Variants in CDH13 observed in about 807,000 individuals in gnomAD.
The protein encoded by CDH13 is cadherin-13.
CDH13 carries 24 observed loss-of-function variants against 63.8 expected under a neutral mutation model. The observed-to-expected ratio is 0.38, with a 90% confidence interval of 0.27 to 0.53. The LOEUF (loss-of-function observed/expected upper bound fraction) is 0.53, where lower values mean the gene tolerates loss of function less well. Among genes scored for constraint, CDH13 ranks in the 20% least tolerant of loss-of-function variants. The pLI is 0.85. For synonymous variants in CDH13, 503 were observed against 355.3 expected, an observed-to-expected ratio of 1.42 and a Z score of -4.67; for missense variants, 1,049 against 903.1, an observed-to-expected ratio of 1.16 and a Z score of -2.07.
intron 3 of CDH13, among the ~76,000 whole-genome samples, chr16:83,073,584 C>T (rs1162365674): frequency 1.3e-5 from 2 of 151,992 alleles, no homozygotes; most frequent in Non-Finnish European, 2.9e-5. Flanking sequence ...ACAACAGCTG[C>T]ATTTAAAGAA....
At chr16:82,951,783 A>G (rs1236318783) in intron 2 of CDH13, among the ~76,000 whole-genome samples, 1 of 152,180 alleles carries the variant, frequency 6.6e-6, no homozygotes, top group East Asian at 1.9e-4. Flanking sequence ...ATATTCAAGG[A>G]CATAAATTCA....
At chr16:83,040,604 C>T (rs905980176) in intron 3 of CDH13, among the ~76,000 whole-genome samples, 1 of 152,214 alleles carries the variant, frequency 6.6e-6, no homozygotes, top group Non-Finnish European at 1.5e-5. Flanking sequence ...TGGTTTTATG[C>T]TGGCAGCTGA....
At chr16:82,907,223 C>T (rs902228277) in intron 2 of CDH13, among the ~76,000 whole-genome samples, 3 of 152,102 alleles carry the variant, frequency 2.0e-5, no homozygotes, top group East Asian at 3.9e-4. Flanking sequence ...CAGTAAAGGA[C>T]AGAAAAGAAC....
At chr16:82,725,904 C>T (rs1368348829) in intron 1 of CDH13, among the ~76,000 whole-genome samples, 2 of 152,024 alleles carry the variant, frequency 1.3e-5, no homozygotes, top group African/African-American at 4.8e-5. Context: ...TTAATAAGGC[C>T]TGAGGTTATG....
chr16:82,851,298 A>C (rs1479734016), intron 1 of CDH13, among the ~76,000 whole-genome samples: 1 of 151,892 alleles, frequency 6.6e-6, no homozygotes, highest in African/African-American at 2.4e-5. Flanking sequence ...AGCTGGGCAT[A>C]GTGGCGGATG....
intron 2 of CDH13, among the ~76,000 whole-genome samples, chr16:82,906,428 A>T (rs2041649696): frequency 6.6e-6 from 1 of 152,206 alleles, no homozygotes; most frequent in Non-Finnish European, 1.5e-5. Flanking sequence ...AGCAATCATG[A>T]ACCCACTTGT....
intron 10 of CDH13, among the ~76,000 whole-genome samples, chr16:83,696,075 G>A (rs1019969059): frequency 6.6e-6 from 1 of 151,942 alleles, no homozygotes. Context: ...TTTGTTTGTA[G>A]AGATGGGGTT....
chr16:83,402,708 C>T (rs1317934467), intron 6 of CDH13, among the ~76,000 whole-genome samples: 1 of 152,146 alleles, frequency 6.6e-6, no homozygotes, highest in Non-Finnish European at 1.5e-5. Flanking sequence ...TAGCATAGTG[C>T]CCAACACTCA....
chr16:83,679,798 G>A (rs1915258672), intron 10 of CDH13, among the ~76,000 whole-genome samples: 1 of 152,220 alleles, frequency 6.6e-6, no homozygotes. Context: ...TTCTACAATT[G>A]GAGGTGAAAG....
chr16:83,477,530 G>A (rs770395984), intron 6 of CDH13, among the ~76,000 whole-genome samples: 9 of 152,106 alleles, frequency 5.9e-5, no homozygotes, highest in African/African-American at 1.2e-4. Flanking sequence ...TATATATCTC[G>A]TGCCCGTTTA....
intron 7 of CDH13, among the ~76,000 whole-genome samples, chr16:83,532,458 T>G (rs1200015975): frequency 6.6e-6 from 1 of 152,224 alleles, no homozygotes; most frequent in Non-Finnish European, 1.5e-5. Flanking sequence ...TGTTACTGGA[T>G]AAATGAATAT....
intron 2 of CDH13, among the ~76,000 whole-genome samples, chr16:83,000,746 A>G (rs1912834155): frequency 6.6e-6 from 1 of 151,552 alleles, no homozygotes; most frequent in African/African-American, 2.4e-5. Flanking sequence ...TGCCCGGCTA[A>G]TTTTTTGTAT....
At chr16:83,645,755 T>C (rs1911731817) in intron 8 of CDH13, among the ~76,000 whole-genome samples, 1 of 151,644 alleles carries the variant, frequency 6.6e-6, no homozygotes, top group Non-Finnish European at 1.5e-5. Context: ...TGGTAGAGCA[T>C]AAGGGAAGGG....
intron 7 of CDH13, among the ~76,000 whole-genome samples, chr16:83,574,741 A>G (rs531018592): frequency 6.6e-6 from 1 of 152,330 alleles, no homozygotes; most frequent in African/African-American, 2.4e-5. Context: ...GGCCCTGTTA[A>G]GATTCCCATG....
chr16:83,522,201 C>A (rs544370901), intron 7 of CDH13, among the ~76,000 whole-genome samples: 1 of 152,326 alleles, frequency 6.6e-6, no homozygotes, highest in Admixed American at 6.5e-5. Flanking sequence ...TCTGCTGCAG[C>A]CTCCACATGT....
intron 2 of CDH13, among the ~76,000 whole-genome samples, chr16:82,935,447 C>T (rs1433640706): frequency 6.6e-6 from 1 of 152,160 alleles, no homozygotes; most frequent in Non-Finnish European, 1.5e-5. Flanking sequence ...CAACTGTTTT[C>T]ATGAAGCTTT....
At chr16:83,012,527 C>T (rs1319255486) in intron 2 of CDH13, among the ~76,000 whole-genome samples, 1 of 151,976 alleles carries the variant, frequency 6.6e-6, no homozygotes, top group African/African-American at 2.4e-5. Context: ...ACATCTTCGT[C>T]ATTTGGGGGA....
At chr16:83,283,852 A>G (rs1567563034) in intron 5 of CDH13, among the ~76,000 whole-genome samples, 1 of 152,110 alleles carries the variant, frequency 6.6e-6, no homozygotes, top group South Asian at 2.1e-4. Context: ...TAATATCTTT[A>G]TATCCAGAGT....
At chr16:83,790,140 C>G (rs1388701248) in intron 13 of CDH13, 1 of 152,190 alleles carries the variant, frequency 6.6e-6, no homozygotes, top group Non-Finnish European at 1.5e-5. Flanking sequence ...GATGAGAAAA[C>G]TGATCCTCAG....
Sources: allele counts gnomAD v4.1 joint callset (sites outside exome capture counted in the v4.1 genomes callset), GRCh38; gene constraint gnomAD v4.1.1; transcripts MANE v1.5; gene names NCBI Gene and HGNC (gene_info 2026-07-23, HGNC 2026-07-21).